ZNF710: variants seen among roughly 807,000 people sequenced by gnomAD.
The protein encoded by ZNF710 is zinc finger protein 710.
A neutral mutation model predicts 50.6 loss-of-function variants in ZNF710; 13 were observed. That is an observed-to-expected ratio of 0.26 (90% confidence interval 0.17 to 0.41). The LOEUF (loss-of-function observed/expected upper bound fraction) is 0.41. ZNF710 is among the 10% of genes least tolerant of loss of function. The pLI, the probability that ZNF710 is intolerant of heterozygous loss-of-function variation, is 1.00. For synonymous variants in ZNF710, 383 were observed against 397.0 expected (o/e 0.96, Z 0.42); for missense variants, 721 against 936.6 (o/e 0.77, Z 3.01).
chr15:90,065,230 G>C (rs1383251869), intron 1 of ZNF710, among the ~76,000 whole-genome samples: 1 of 152,184 alleles, frequency 6.6e-6, no homozygotes, highest in Non-Finnish European at 1.5e-5. Context: ...GCTGGGCGCT[G>C]GGGGGAGGGG....
intron 1 of ZNF710, among the ~76,000 whole-genome samples, chr15:90,035,147 T>C (rs186798181): frequency 1.0e-3 from 158 of 152,278 alleles, no homozygotes; most frequent in African/African-American, 3.4e-3. Flanking sequence ...ATGGCCATGG[T>C]GATTGACCGC....
At chr15:90,072,275 A>G (rs1900415072) in intron 2 of ZNF710, among the ~76,000 whole-genome samples, 1 of 152,198 alleles carries the variant, frequency 6.6e-6, no homozygotes, top group Admixed American at 6.5e-5. Context: ...TGAATAGCCC[A>G]AAGTCCATCA....
chr15:90,041,450 T>C (rs1341592166), intron 1 of ZNF710, among the ~76,000 whole-genome samples: 1 of 152,136 alleles, frequency 6.6e-6, no homozygotes, highest in Non-Finnish European at 1.5e-5. Context: ...CTTGGGCTCT[T>C]AAAAGTGCTG....
chr15:90,048,046 G>A (rs1899524193), intron 1 of ZNF710, among the ~76,000 whole-genome samples: 1 of 152,236 alleles, frequency 6.6e-6, no homozygotes, highest in African/African-American at 2.4e-5. Flanking sequence ...GCTGCAGTCA[G>A]GATTAAATGA....
At chr15:90,007,591 G>A (rs971960360) in intron 1 of ZNF710, among the ~76,000 whole-genome samples, 2 of 151,684 alleles carry the variant, frequency 1.3e-5, no homozygotes, top group Non-Finnish European at 2.9e-5. Flanking sequence ...CAGCACATGC[G>A]ATATGCCAGG....
At chr15:90,019,296 G>T (rs1160821774) in intron 1 of ZNF710, among the ~76,000 whole-genome samples, 1 of 133,788 alleles carries the variant, frequency 7.5e-6, no homozygotes, top group Non-Finnish European at 1.5e-5. Context: ...TAGTTCTTTT[G>T]AACAGATGGA....
Position 90,082,147 on chromosome 15 carries a change from G to A in ZNF710, c.*2318G>A, listed in dbSNP as rs1245308623. ...TGTGTTTTTATGTTCCTGTTTAAAA[G>A]AGAAGTTTACTTAGCAATAATTATA... On this transcript the variant is annotated 3_prime_UTR_variant, in exon 5 of 5. Coordinates refer to ENST00000268154, the MANE Select transcript of ZNF710 (RefSeq NM_198526.4). The A allele has an allele frequency of 6.6e-6, 1 of 152,212 alleles. No homozygotes were observed. Among genetic ancestry groups the A allele is most frequent in the African/African-American group, 2.4e-5 (1 of 41,432 alleles). The allele number at this position is 152,212 out of a possible 1,614,324, so 9.4% of individuals were successfully genotyped here.
chr15:90,051,095 C>T (rs1334718352), intron 1 of ZNF710, among the ~76,000 whole-genome samples: 5 of 151,872 alleles, frequency 3.3e-5, no homozygotes, highest in African/African-American at 7.3e-5. Flanking sequence ...AAAAATTAGC[C>T]GGGTGTGGTG....
At chr15:90,043,394 C>T (rs1899360634) in intron 1 of ZNF710, among the ~76,000 whole-genome samples, 1 of 152,234 alleles carries the variant, frequency 6.6e-6, no homozygotes, top group Non-Finnish European at 1.5e-5. Flanking sequence ...GGGAGGAGGC[C>T]ACAGCCAGGC....
At chr15:90,056,738 A>G (rs1899831782) in intron 1 of ZNF710, among the ~76,000 whole-genome samples, 1 of 152,200 alleles carries the variant, frequency 6.6e-6, no homozygotes, top group Non-Finnish European at 1.5e-5. Context: ...TAGGCGGCAC[A>G]TTACTCCTGT....
At chr15:90,022,163 G>A (rs941978853) in intron 1 of ZNF710, among the ~76,000 whole-genome samples, 3 of 151,882 alleles carry the variant, frequency 2.0e-5, no homozygotes, top group African/African-American at 7.3e-5. Context: ...GAATCACGAG[G>A]TCAGGAGTTC....
rs6496618 is a variant in ZNF710 at position 90,038,740 on chromosome 15, T to A, written c.-28-28370T>A. 9.5e-4 allele frequency among the ~76,000 whole-genome samples: 141 copies of A among 148,624 alleles called. 1 individual carries two copies. The highest frequency in any genetic ancestry group is 3.1e-3 in the African/African-American group (120 of 38,774). On this transcript the variant is annotated intron_variant, in intron 1 of 4. Coordinates refer to ENST00000268154, the MANE Select transcript of ZNF710 (RefSeq NM_198526.4). Reference sequence around the variant, plus strand: ...GTGTGTGTGTGTGTGTGTGTGTGTGTGAGACATTGGCTTTGAAGAGTCCAG... The same window carrying A: ...GTGTGTGTGTGTGTGTGTGTGTGTGAGAGACATTGGCTTTGAAGAGTCCAG...
chr15:90,052,335 A>G (rs761341107), intron 1 of ZNF710, among the ~76,000 whole-genome samples: 15 of 152,158 alleles, frequency 9.9e-5, no homozygotes, highest in Non-Finnish European at 1.9e-4. Context: ...GGCCACAGCC[A>G]TCATCGGTTT....
At chr15:90,023,632 C>T in intron 1 of ZNF710, among the ~76,000 whole-genome samples, 1 of 152,118 alleles carries the variant, frequency 6.6e-6, no homozygotes. Flanking sequence ...TGCAGTGAAC[C>T]ATGATCACAC....
rs752877392 is a variant in ZNF710, at chr15:90,068,397, C to T, written c.1260C>T (p.Thr420=). Residue 420 remains threonine (T), a synonymous_variant, in exon 2 of 5, where the codon ACC becomes ACT. Transcript: ENST00000268154. This position sits in a 1 kb window ranked among gnomAD's most constrained non-coding sequence, Gnocchi z 5.0. ...GCGGCCTGGACTTCTCCACCCTGACCCAGCTCAAGCGCCACCTGGCCTCCC... is the reference window on the plus strand; with the variant it reads ...GCGGCCTGGACTTCTCCACCCTGACTCAGCTCAAGCGCCACCTGGCCTCCC... ...VECGLDFSTL[T]QLKRHLASHQ... 1 of 1,613,632 alleles carries T rather than the reference C, an allele frequency of 6.2e-7. No individual in the cohort carries two copies. The highest frequency in any genetic ancestry group is 8.5e-7 in the Non-Finnish European group (1 of 1,179,918).
At chr15:90,036,250 G>A (rs139251884) in intron 1 of ZNF710, among the ~76,000 whole-genome samples, 2,820 of 78,018 alleles carry the variant, frequency 0.036, 95 homozygotes, top group African/African-American at 0.13. Context: ...CACCCCCTCC[G>A]CCTCTGTTTC....
In ZNF710 at chr15:90,079,692, T is replaced by G. The variant is rs150247793; in HGVS notation, c.1858T>G (p.Ser620Ala). 2.1e-5 allele frequency: 34 copies of G among 1,613,804 alleles called. No homozygotes were observed. Among genetic ancestry groups the G allele is most frequent in the African/African-American group, 9.3e-5 (7 of 75,024 alleles). ...PMMELTGTDP[S>A]ELDGQQEMED... ...GATGGAGCTGACAGGCACTGACCCT[T>G]CAGAGCTCGACGGCCAGCAGGAGAT... is the stretch of plus-strand genomic sequence containing the variant. Residue 620 changes from serine to alanine, a missense_variant, in exon 5 of 5, where the codon TCA becomes GCA. Physicochemically the swap from Ser to Ala is moderately conservative, Grantham distance 99. Around this residue, in one of 3 missense-constraint regions of ZNF710, gnomAD observed 69 missense variants for 67.6 expected, o/e 1.02. Transcript: ENST00000268154.
intron 1 of ZNF710, among the ~76,000 whole-genome samples, chr15:90,023,603 G>A (rs1361385362): frequency 6.6e-6 from 1 of 152,066 alleles, no homozygotes; most frequent in African/African-American, 2.4e-5. Context: ...AAGATCTCTT[G>A]AGCCCAAGAG....
chr15:90,001,909 G>A (rs558208966), intron 1 of ZNF710, among the ~76,000 whole-genome samples: 1 of 140,600 alleles, frequency 7.1e-6, no homozygotes, highest in Non-Finnish European at 1.6e-5. Context: ...GAGGGGGAGG[G>A]GGAAGGGAGA....
Sources: allele counts gnomAD v4.1 joint callset (sites outside exome capture counted in the v4.1 genomes callset), GRCh38; gene constraint gnomAD v4.1.1; regional missense constraint gnomAD v4.1.1; non-coding constraint Gnocchi (gnomAD v3.1); transcripts MANE v1.5; gene names NCBI Gene and HGNC (gene_info 2026-07-23, HGNC 2026-07-21).